Variants in ST7L observed in about 807,000 individuals in gnomAD.
ST7L encodes suppressor of tumorigenicity 7 protein-like.
A neutral mutation model predicts 72.5 loss-of-function variants in ST7L; 57 were observed. That is an observed-to-expected ratio of 0.79 (90% confidence interval 0.64 to 0.98). The LOEUF (loss-of-function observed/expected upper bound fraction) is 0.98, where lower values mean the gene tolerates loss of function less well. Among genes scored for constraint, ST7L ranks in the 50% least tolerant of loss-of-function variants. The pLI, the probability that ST7L is intolerant of heterozygous loss-of-function variation, is 0.00. For missense variants in ST7L, 576 were observed against 672.2 expected (o/e 0.86, Z 1.58); for synonymous variants, 221 against 240.9 (o/e 0.92, Z 0.77).
intron 11 of ST7L, among the ~76,000 whole-genome samples, chr1:112,562,544 GGA>G (rs1660346998): frequency 2.0e-5 from 3 of 152,140 alleles, no homozygotes; most frequent in Non-Finnish European, 4.4e-5. Flanking sequence ...TCCTTATAAA[GGA>G]GACAACAGAT....
intron 11 of ST7L, among the ~76,000 whole-genome samples, chr1:112,569,453 G>T (rs994877814): frequency 6.6e-6 from 1 of 152,148 alleles, no homozygotes; most frequent in African/African-American, 2.4e-5. Context: ...ACTATTATAC[G>T]ATTCAATTCA....
chr1:112,556,973 A>AAAAAAAAAAAAT (rs1659253744), intron 11 of ST7L, among the ~76,000 whole-genome samples: 1 of 136,468 alleles, frequency 7.3e-6, no homozygotes, highest in African/African-American at 3.3e-5. Flanking sequence ...TCTCAAAAAA[A>AAAAAAAAAAAAT]AAAAAAAAAA....
rs201069043 is a variant in ST7L at position 112,554,550 on chromosome 1, G to GA, written c.1396+1317dup. Among the ~76,000 whole-genome samples, 152 of 152,060 alleles carry GA rather than the reference G, an allele frequency of 1.0e-3. 3 individuals carry two copies. The East Asian group carries it at 0.016, about 16-fold the overall frequency. ...AATGTAAAATGGTGCAGCTGCTATG[G>GA]AAAAAAACACTACTGAGCTTCCTTA... is the stretch of plus-strand genomic sequence containing the variant. On this transcript the variant is annotated intron_variant, in intron 12 of 14. Transcript: ENST00000358039.
At chr1:112,558,364 A>G (rs949574894) in intron 11 of ST7L, among the ~76,000 whole-genome samples, 10 of 152,252 alleles carry the variant, frequency 6.6e-5, no homozygotes, top group Non-Finnish European at 1.2e-4. Context: ...GCTACAAGCA[A>G]TAAGACTCTA....
upstream of ST7L, chr1:112,619,510 T>C (rs1422625221): frequency 1.9e-6 from 1 of 521,578 alleles, no homozygotes; most frequent in Non-Finnish European, 3.4e-6. Flanking sequence ...CCAGAAAAAC[T>C]TGTAGGAGTA....
At chr1:112,594,208 GAA>G (rs11317306) in intron 5 of ST7L, among the ~76,000 whole-genome samples, 43 of 89,594 alleles carry the variant, frequency 4.8e-4, no homozygotes, top group East Asian at 2.3e-3. Context: ...TTATTTTACA[GAA>G]AAAAAAAAAA....
intron 11 of ST7L, among the ~76,000 whole-genome samples, chr1:112,556,309 G>A (rs1439394829): frequency 6.6e-6 from 1 of 151,968 alleles, no homozygotes; most frequent in Non-Finnish European, 1.5e-5. Context: ...TGTGAGAGTA[G>A]ATATTTATTT....
intron 3 of ST7L, among the ~76,000 whole-genome samples, chr1:112,603,826 CTTA>C (rs952550971): frequency 6.6e-6 from 1 of 152,106 alleles, no homozygotes; most frequent in African/African-American, 2.4e-5. Context: ...TCTGGTATCT[CTTA>C]TTATTATTAT....
intron 1 of ST7L, 83 bp downstream of exon 1, chr1:112,618,826 C>T: frequency 6.6e-7 from 1 of 1,515,052 alleles, no homozygotes; most frequent in Admixed American, 2.1e-5. Flanking sequence ...TCTAGGACTA[C>T]CGAGAATCTC....
At position 112,613,066 on chromosome 1, in the gene ST7L, C is replaced by A. The variant is rs573863898; in HGVS notation, c.289-2063G>T. On this transcript the variant is annotated intron_variant, in intron 2 of 14. Transcript: ENST00000358039. ...TTCAGCAGGTCAAGGCTGCTGTGAG[C>A]TGTGATTGTACCACTTCACTCCAGC... Among the ~76,000 whole-genome samples the A allele has an allele frequency of 2.0e-5, 3 of 152,080 alleles. No individual in the cohort carries two copies. In the East Asian group the frequency reaches 5.8e-4, roughly 29 times the overall value.
intron 11 of ST7L, among the ~76,000 whole-genome samples, chr1:112,574,408 C>T (rs545964215): frequency 1.6e-4 from 25 of 151,718 alleles, no homozygotes; most frequent in Admixed American, 3.9e-4. Context: ...GCCTGTAATC[C>T]CAGCACTTTG....
chr1:112,583,712 A>G (rs1364661002), intron 7 of ST7L, among the ~76,000 whole-genome samples: 1 of 152,226 alleles, frequency 6.6e-6, no homozygotes, highest in Non-Finnish European at 1.5e-5. Flanking sequence ...CAATTCTCAC[A>G]TGAAATAAAT....
intron 5 of ST7L, 91 bp downstream of exon 5, chr1:112,597,880 T>C: frequency 1.2e-6 from 1 of 831,154 alleles, no homozygotes; most frequent in Non-Finnish European, 1.7e-6. Flanking sequence ...AATAACTAAA[T>C]AACTCTGTAT....
downstream of ST7L, chr1:112,520,285 C>T: frequency 6.2e-7 from 1 of 1,613,736 alleles, no homozygotes; most frequent in Non-Finnish European, 8.5e-7. Context: ...CCCAGGTTCC[C>T]TAGGCACTGC....
At chr1:112,560,588 C>T (rs1051981294) in intron 11 of ST7L, among the ~76,000 whole-genome samples, 2 of 152,166 alleles carry the variant, frequency 1.3e-5, no homozygotes, top group African/African-American at 4.8e-5. Context: ...CCAGCATAGG[C>T]TGTAACTTAT....
chr1:112,598,992 G>A (rs1666919424), intron 4 of ST7L, among the ~76,000 whole-genome samples: 1 of 145,480 alleles, frequency 6.9e-6, no homozygotes, highest in African/African-American at 2.5e-5. Flanking sequence ...CCCAGGAGGA[G>A]GAGATTGCAG....
At position 112,539,959 on chromosome 1, in the gene ST7L, T is replaced by C. The variant is rs1024268433; in HGVS notation, c.1629+1992A>G. The C allele has an allele frequency of 1.0e-5, 10 of 985,262 alleles. No homozygotes were observed. In the Admixed American group the frequency reaches 4.3e-4, roughly 42 times the overall value. The allele number at this position is 985,262 out of a possible 1,614,324, so 61.0% of individuals were successfully genotyped here. ...TTATCCATCAACTAGAAAAGCAGTA[T>C]ATCAATAACTTTTGGTCTGAAAAAG... is the stretch of plus-strand genomic sequence containing the variant. On this transcript the variant is annotated intron_variant, in intron 14 of 14. Transcript: ENST00000358039.
At chr1:112,536,048 GGTTT>G (rs1349224322) in intron 14 of ST7L, among the ~76,000 whole-genome samples, 1 of 151,962 alleles carries the variant, frequency 6.6e-6, no homozygotes, top group African/African-American at 2.4e-5. Context: ...TCACACAATA[GGTTT>G]ATTTTATTAT....
chr1:112,615,184 C>A (rs1053486284), intron 2 of ST7L, among the ~76,000 whole-genome samples: 3 of 151,898 alleles, frequency 2.0e-5, no homozygotes, highest in Admixed American at 1.3e-4. Context: ...TTTGAAGAGA[C>A]AGGGTTTTTC....
Sources: allele counts gnomAD v4.1 joint callset (sites outside exome capture counted in the v4.1 genomes callset), GRCh38; gene constraint gnomAD v4.1.1; transcripts MANE v1.5; gene names NCBI Gene and HGNC (gene_info 2026-07-23, HGNC 2026-07-21).